The following PGBD2 variants were observed in gnomAD, a reference collection of about 807,000 sequenced individuals.
The protein encoded by PGBD2 is piggyBac transposable element derived 2, also known as piggyBac transposable element-derived protein 2.
A neutral mutation model predicts 8.1 loss-of-function variants in PGBD2; 6 were observed. The observed-to-expected ratio is 0.74, with a 90% CI of 0.40 to 1.46. The LOEUF is 1.46. PGBD2 is among the 40% of genes most tolerant of loss of function. The pLI, the probability that PGBD2 is intolerant of heterozygous loss-of-function variation, is 0.02. For synonymous variants in PGBD2, 318 were observed against 272.2 expected (o/e 1.17, Z -1.66); for missense variants, 802 against 739.0 (o/e 1.09, Z -0.99).
chr1:248,874,350 G>C, the PGBD2 span, among the ~76,000 whole-genome samples: 9 of 152,186 alleles, frequency 5.9e-5, no homozygotes, highest in African/African-American at 2.2e-4. Context: ...TTGCCGCAGG[G>C]CTAACCATAG....
the PGBD2 span, among the ~76,000 whole-genome samples, chr1:248,874,246 C>G: frequency 6.6e-6 from 1 of 152,160 alleles, no homozygotes; most frequent in Non-Finnish European, 1.5e-5. Flanking sequence ...CGCATCATGT[C>G]TTCCCTGGTG....
chr1:248,911,948 C>G (rs576401799), intron 1 of PGBD2, among the ~76,000 whole-genome samples: 30 of 151,988 alleles, frequency 2.0e-4, no homozygotes, highest in Middle Eastern at 3.4e-3. Flanking sequence ...TCTATTCTTG[C>G]GGTTGTAAAA....
chr1:248,882,797 G>A, the PGBD2 span, among the ~76,000 whole-genome samples: 3 of 152,188 alleles, frequency 2.0e-5, no homozygotes, highest in Non-Finnish European at 4.4e-5. Flanking sequence ...ATCATGCACT[G>A]TTGGCTCGTT....
the PGBD2 span, among the ~76,000 whole-genome samples, chr1:248,897,366 A>G: frequency 4.6e-5 from 7 of 151,950 alleles, no homozygotes; most frequent in Non-Finnish European, 1.0e-4. Flanking sequence ...GCGTCAGGTT[A>G]TAAATGACCC....
chr1:248,876,466 T>G, the PGBD2 span, among the ~76,000 whole-genome samples: 5,886 of 152,332 alleles, frequency 0.039, 379 homozygotes, highest in African/African-American at 0.13. Flanking sequence ...TTAAGCAACG[T>G]ATCTTATTCC....
chr1:248,892,301 T>G, the PGBD2 span, among the ~76,000 whole-genome samples: 1 of 134,580 alleles, frequency 7.4e-6, no homozygotes, highest in East Asian at 2.6e-4. Flanking sequence ...CTTCCTTCCC[T>G]TCCTTCCTTC....
chr1:248,909,909 A>G (rs1661805657), intron 1 of PGBD2, among the ~76,000 whole-genome samples: 1 of 152,194 alleles, frequency 6.6e-6, no homozygotes, highest in Admixed American at 6.5e-5. Flanking sequence ...CAGGCTGTGA[A>G]TGGCTTTGAT....
intron 2 of PGBD2, among the ~76,000 whole-genome samples, chr1:248,914,201 C>T (rs1662011649): frequency 6.6e-6 from 1 of 152,154 alleles, no homozygotes; most frequent in African/African-American, 2.4e-5. Flanking sequence ...TTTCTCATGC[C>T]TGGGGTTTGA....
At chr1:248,887,459 T>G in the PGBD2 span, among the ~76,000 whole-genome samples, 3 of 152,202 alleles carry the variant, frequency 2.0e-5, no homozygotes, top group Non-Finnish European at 4.4e-5. Context: ...GGACATGCAT[T>G]TGGCAAGAGT....
At chr1:248,923,351 C>A (rs1477455167), downstream of PGBD2, among the ~76,000 whole-genome samples, 1 of 152,138 alleles carries the variant, frequency 6.6e-6, no homozygotes, top group Non-Finnish European at 1.5e-5. Context: ...TCTCTCTTTT[C>A]TTCTTTATTA....
the PGBD2 span, among the ~76,000 whole-genome samples, chr1:248,927,440 TA>T: frequency 4.6e-5 from 7 of 152,342 alleles, no homozygotes; most frequent in African/African-American, 1.4e-4. Flanking sequence ...GGTAGCATTC[TA>T]AACAGAGATC....
chr1:248,916,726 G>T lies in PGBD2; in HGVS notation c.142G>T (p.Asp48Tyr). 1 of 1,614,156 alleles carries T rather than the reference G, an allele frequency of 6.2e-7. No homozygotes were observed. The highest frequency in any genetic ancestry group is 8.5e-7 in the Non-Finnish European group (1 of 1,180,030). The change falls in exon 3 of 3, where the codon GAC (aspartate) becomes TAC (tyrosine). Residue 48 changes from aspartate (D) to tyrosine (Y), a missense_variant. Transcript: ENST00000329291. The part of the protein sequence containing the change: ...NREEIFIAPP[D>Y]NAAGEFTDED... Reference sequence around the variant, plus strand: ...GGAAGAGATTTTCATTGCACCTCCCGACAATGCTGCGGGGGAATTCACTGA... The same window carrying T: ...GGAAGAGATTTTCATTGCACCTCCCTACAATGCTGCGGGGGAATTCACTGA...
In PGBD2 at chr1:248,908,728, C is replaced by T. The variant is rs546599160; in HGVS notation, c.-48+2386C>T. 2.0e-5 allele frequency among the ~76,000 whole-genome samples: 3 copies of T among 151,542 alleles called. No individual in the cohort carries two copies. The East Asian group carries it at 5.8e-4, about 29-fold the overall frequency. ...TTCCCATAGCTCTTATAAAGACAGG[C>T]CTCCTTAACAGGGTCTTCAAGTCTC... On this transcript the variant is annotated intron_variant, in intron 1 of 2. Coordinates refer to ENST00000329291, the MANE Select transcript of PGBD2 (RefSeq NM_170725.3).
chr1:248,902,925 G>A (rs1211579277), upstream of PGBD2, among the ~76,000 whole-genome samples: 1 of 152,062 alleles, frequency 6.6e-6, no homozygotes, highest in Non-Finnish European at 1.5e-5. Context: ...ATACCTAGGT[G>A]ATGGGTTGAT....
chr1:248,929,160 C>T, the PGBD2 span, among the ~76,000 whole-genome samples: 1 of 152,104 alleles, frequency 6.6e-6, no homozygotes, highest in Non-Finnish European at 1.5e-5. Flanking sequence ...GTGCCTCTGG[C>T]TTATTGCCCA....
At chr1:248,911,104 GTTTTC>G (rs549454313) in intron 1 of PGBD2, among the ~76,000 whole-genome samples, 289 of 151,072 alleles carry the variant, frequency 1.9e-3, no homozygotes, top group African/African-American at 6.7e-3. Context: ...ATTTTCTAGG[GTTTTC>G]TTTTCTTTTC....
Position 248,917,358 on chromosome 1 carries a change from G to T in PGBD2, c.774G>T (p.Lys258Asn), listed in dbSNP as rs750660872. The change falls in exon 3 of 3, where the codon AAG becomes AAT. Residue 258 changes from lysine (K) to asparagine (N), a missense_variant. Coordinates refer to ENST00000329291, the MANE Select transcript of PGBD2 (RefSeq NM_170725.3). ...LIIRMNCNFQ[K>N]HAPLEEFYSF... Reference sequence around the variant, plus strand: ...TCCGGATGAACTGCAATTTCCAGAAGCATGCACCCTTGGAAGAGTTCTACA... The same window carrying T: ...TCCGGATGAACTGCAATTTCCAGAATCATGCACCCTTGGAAGAGTTCTACA... 3.1e-6 allele frequency: 5 copies of T among 1,614,178 alleles called. No individual in the cohort carries two copies. The highest frequency in any genetic ancestry group is 4.2e-6 in the Non-Finnish European group (5 of 1,180,034).
At chr1:248,873,615 T>C in the PGBD2 span, among the ~76,000 whole-genome samples, 3 of 152,212 alleles carry the variant, frequency 2.0e-5, no homozygotes, top group Non-Finnish European at 4.4e-5. Context: ...GGCCAGGCGC[T>C]GGCACACGGT....
At chr1:248,911,569 T>TC (rs1661878706) in intron 1 of PGBD2, among the ~76,000 whole-genome samples, 1 of 144,604 alleles carries the variant, frequency 6.9e-6, no homozygotes, top group Non-Finnish European at 1.5e-5. Flanking sequence ...TCCCCACCTT[T>TC]CCCCCTTTTC....
Sources: allele counts gnomAD v4.1 joint callset (sites outside exome capture counted in the v4.1 genomes callset), GRCh38; gene constraint gnomAD v4.1.1; transcripts MANE v1.5; gene names NCBI Gene and HGNC (gene_info 2026-07-23, HGNC 2026-07-21).